GABRA2: variants seen among roughly 807,000 people sequenced by gnomAD.
The protein encoded by GABRA2 is gamma-aminobutyric acid receptor subunit alpha-2.
A neutral mutation model predicts 48.7 loss-of-function variants in GABRA2; 16 were observed. That is an observed-to-expected ratio of 0.33 (90% confidence interval 0.22 to 0.50). The LOEUF (loss-of-function observed/expected upper bound fraction) is 0.50. Ranked by LOEUF, GABRA2 falls within the 20% of genes least tolerant of loss-of-function variation. The pLI is 0.98. For missense variants in GABRA2, 275 were observed against 535.6 expected (o/e 0.51, Z 4.80); for synonymous variants, 185 against 184.5 (o/e 1.00, Z -0.02).
intron 8 of GABRA2, among the ~76,000 whole-genome samples, chr4:46,271,215 C>A (rs577978978): frequency 8.6e-5 from 13 of 151,884 alleles, no homozygotes; most frequent in Non-Finnish European, 1.6e-4. Context: ...CTGGTTATTG[C>A]TTGGAATGAC....
chr4:46,310,036 A>G, intron 6 of GABRA2, 137 bp downstream of exon 6: 1 of 602,066 alleles, frequency 1.7e-6, no homozygotes, highest in South Asian at 2.4e-5. Context: ...GACAATTAGC[A>G]TGGCTTTTAC....
At chr4:46,323,610 G>A (rs1047880484) in intron 4 of GABRA2, among the ~76,000 whole-genome samples, 2 of 151,816 alleles carry the variant, frequency 1.3e-5, no homozygotes, top group African/African-American at 2.4e-5. Flanking sequence ...GAAGCACTGA[G>A]TGTATACTTA....
At chr4:46,359,727 C>A (rs1712845283) in intron 3 of GABRA2, among the ~76,000 whole-genome samples, 1 of 151,996 alleles carries the variant, frequency 6.6e-6, no homozygotes, top group African/African-American at 2.4e-5. Flanking sequence ...ACCATCCTGG[C>A]TAACACGGTG....
chr4:46,352,598 A>G (rs1045560862), intron 3 of GABRA2, among the ~76,000 whole-genome samples: 1 of 152,070 alleles, frequency 6.6e-6, no homozygotes, highest in Admixed American at 6.6e-5. Flanking sequence ...ATCAACACAT[A>G]AAGAGAATAA....
chr4:46,310,143 C>G, intron 6 of GABRA2, 30 bp downstream of exon 6: 1 of 1,563,722 alleles, frequency 6.4e-7, no homozygotes, highest in Non-Finnish European at 8.8e-7. Context: ...ATTATTGACC[C>G]AAAACATGTA....
chr4:46,302,880 C>T (rs1299630910), intron 8 of GABRA2, among the ~76,000 whole-genome samples: 1 of 152,132 alleles, frequency 6.6e-6, no homozygotes, highest in Non-Finnish European at 1.5e-5. Flanking sequence ...TGGGAGGTAC[C>T]TATTCACTAG....
In GABRA2 at chr4:46,246,210, C is replaced by T. The variant is rs1337752200; in HGVS notation, c.*4098G>A. Among the ~76,000 whole-genome samples, 1 of 151,052 alleles carries T rather than the reference C, an allele frequency of 6.6e-6. No individual in the cohort carries two copies. The highest frequency in any genetic ancestry group is 1.5e-5 in the Non-Finnish European group (1 of 67,448). On this transcript the variant is annotated 3_prime_UTR_variant, in exon 10 of 10. Coordinates refer to ENST00000381620, the MANE Select transcript of GABRA2 (RefSeq NM_000807.4). ...AAAATGCTTCACTTGGTTTAATTAA[C>T]AACAGTCTCCTGTTTCCTGTGGTTT...
chr4:46,283,962 T>G (rs1454741319), intron 8 of GABRA2, among the ~76,000 whole-genome samples: 2 of 151,752 alleles, frequency 1.3e-5, no homozygotes, highest in South Asian at 2.1e-4. Context: ...GGTTTCACCG[T>G]GTTAGCCAGG....
rs556012661 is a variant in GABRA2 at position 46,273,904 on chromosome 4, G to A, written c.857-11776C>T. 5.9e-5 allele frequency among the ~76,000 whole-genome samples: 9 copies of A among 152,156 alleles called. No individual in the cohort carries two copies. In the South Asian group the frequency reaches 1.9e-3, roughly 32 times the overall value. ...TTTAAGGGCATGTTCCCGAGTTTAA[G>A]GGCATCTCCCTAAGATTTAGGTAAC... On this transcript the variant is annotated intron_variant, in intron 8 of 9. Coordinates refer to ENST00000381620, the MANE Select transcript of GABRA2 (RefSeq NM_000807.4).
chr4:46,348,187 C>T (rs1166069300), intron 3 of GABRA2, among the ~76,000 whole-genome samples: 1 of 152,090 alleles, frequency 6.6e-6, no homozygotes, highest in Admixed American at 6.6e-5. Flanking sequence ...CTCATCATCA[C>T]TGGCCATCAG....
chr4:46,303,738 G>C, intron 7 of GABRA2, 126 bp from the exon 8 acceptor site: 2 of 750,976 alleles, frequency 2.7e-6, no homozygotes, highest in South Asian at 3.9e-5. Context: ...TACATGTCAG[G>C]AAATTTATAT....
chr4:46,278,716 A>G (rs1419082487), intron 8 of GABRA2, among the ~76,000 whole-genome samples: 2 of 152,086 alleles, frequency 1.3e-5, no homozygotes, highest in African/African-American at 4.8e-5. Context: ...TATAGATTTC[A>G]AGGACTATAT....
intron 7 of GABRA2, 57 bp from the exon 8 acceptor site, chr4:46,303,669 G>A (rs1726142721): frequency 3.4e-6 from 5 of 1,463,660 alleles, no homozygotes; most frequent in South Asian, 1.2e-5. Context: ...GAACATTTAG[G>A]AAATAGAAGG....
chr4:46,339,368 C>T (rs1048789046), intron 3 of GABRA2, among the ~76,000 whole-genome samples: 2 of 151,766 alleles, frequency 1.3e-5, no homozygotes, highest in African/African-American at 2.4e-5. Context: ...TGTCTATATC[C>T]TCCCAATAGA....
chr4:46,377,029 A>T (rs1214740762), intron 3 of GABRA2, among the ~76,000 whole-genome samples: 1 of 152,156 alleles, frequency 6.6e-6, no homozygotes, highest in Non-Finnish European at 1.5e-5. Context: ...AGTCTCATTC[A>T]TTCCGTGCTC....
At chr4:46,389,504 T>C in intron 1 of GABRA2, 1 of 654,024 alleles carries the variant, frequency 1.5e-6, no homozygotes, top group Non-Finnish European at 1.9e-6. Flanking sequence ...AGAGCCAGGC[T>C]AACGTGCTGC....
chr4:46,270,960 G>C lies in GABRA2; in HGVS notation c.857-8832C>G, dbSNP rs146282625. Among the ~76,000 whole-genome samples, 496 of 150,002 alleles carry C rather than the reference G, an allele frequency of 3.3e-3. 1 individual carries two copies. The highest frequency in any genetic ancestry group is 0.011 in the African/African-American group (448 of 41,012). ...AATACTGTTGTTACTAAGATCAAAT[G>C]AGTTTCTTCATGTAAAGCTGTGCCC... On this transcript the variant is annotated intron_variant, in intron 8 of 9. Coordinates refer to ENST00000381620, the MANE Select transcript of GABRA2 (RefSeq NM_000807.4).
intron 3 of GABRA2, among the ~76,000 whole-genome samples, chr4:46,373,965 G>A (rs1019322548): frequency 1.3e-5 from 2 of 152,084 alleles, no homozygotes; most frequent in Non-Finnish European, 2.9e-5. Context: ...TAATTAAGAT[G>A]TCCTCTCTTG....
At chr4:46,353,961 C>A (rs1164116266) in intron 3 of GABRA2, among the ~76,000 whole-genome samples, 1 of 152,056 alleles carries the variant, frequency 6.6e-6, no homozygotes, top group Admixed American at 6.6e-5. Context: ...TGATAAATTT[C>A]AATGGATTAG....
Sources: gnomAD v4.1 joint callset for allele counts (sites outside exome capture counted in the v4.1 genomes callset) on GRCh38, gnomAD v4.1.1 for gene constraint, MANE v1.5 for transcripts, NCBI Gene and HGNC (gene_info 2026-07-23, HGNC 2026-07-21) for gene names.